The following CCDC191 variants were observed in gnomAD, a reference collection of about 807,000 sequenced individuals.
CCDC191 encodes the protein coiled-coil domain containing 191.
Under a neutral mutation model 114.0 loss-of-function variants are expected in CCDC191, and 99 were observed. The ratio of observed to expected loss-of-function variants is 0.87; its 90% confidence interval spans 0.74 to 1.03. The LOEUF is 1.03. Ranked by LOEUF, CCDC191 falls within the 50% of genes least tolerant of loss-of-function variation. The pLI, the probability that CCDC191 is intolerant of heterozygous loss-of-function variation, is 0.00. For synonymous variants in CCDC191, 351 were observed against 376.0 expected (o/e 0.93, Z 0.77); for missense variants, 973 against 1,087.0 (o/e 0.90, Z 1.47).
chr3:113,985,091 G>T (rs1445886407), intron 13 of CCDC191, among the ~76,000 whole-genome samples: 1 of 152,154 alleles, frequency 6.6e-6, no homozygotes, highest in Admixed American at 6.5e-5. Context: ...GCATGAGAAG[G>T]TTGAAGCTCC....
chr3:113,984,439 G>A (rs1055020044), intron 13 of CCDC191: 10 of 152,110 alleles, frequency 6.6e-5, no homozygotes, highest in Non-Finnish European at 1.5e-4. Flanking sequence ...ACACTACTAT[G>A]GCCTTGGAGG....
chr3:114,001,038 A>C (rs1013282411), intron 13 of CCDC191, among the ~76,000 whole-genome samples: 1 of 152,102 alleles, frequency 6.6e-6, no homozygotes, highest in Non-Finnish European at 1.5e-5. Context: ...TTTAGGCCTT[A>C]TCTTCCCAAG....
chr3:113,965,762 T>G (rs1940081778), intron 16 of CCDC191, among the ~76,000 whole-genome samples: 1 of 151,978 alleles, frequency 6.6e-6, no homozygotes, highest in Non-Finnish European at 1.5e-5. Flanking sequence ...GCTAATTTTT[T>G]TTTTGTATTT....
At chr3:114,035,175 G>A in intron 5 of CCDC191, 27 bp from the exon 6 acceptor site, 1 of 1,541,984 alleles carries the variant, frequency 6.5e-7, no homozygotes, top group South Asian at 1.1e-5. Flanking sequence ...TAAAGATGAA[G>A]TGTGGCCTTT....
intron 7 of CCDC191, among the ~76,000 whole-genome samples, chr3:114,025,629 G>A (rs1205014030): frequency 6.6e-6 from 1 of 152,100 alleles, no homozygotes; most frequent in Admixed American, 6.6e-5. Flanking sequence ...AAAATTCTCT[G>A]GGTTCTTTAC....
chr3:113,968,103 A>C (rs1466743451), intron 16 of CCDC191, among the ~76,000 whole-genome samples: 1 of 152,210 alleles, frequency 6.6e-6, no homozygotes, highest in Non-Finnish European at 1.5e-5. Flanking sequence ...ACGGACATGC[A>C]AATATCTCTT....
intron 13 of CCDC191, among the ~76,000 whole-genome samples, chr3:113,981,106 C>A (rs2075134808): frequency 6.6e-6 from 1 of 152,128 alleles, no homozygotes; most frequent in Non-Finnish European, 1.5e-5. Context: ...GGAGAGCAAT[C>A]AGGATTTTCC....
chr3:113,971,399 T>G (rs887755678), intron 16 of CCDC191, among the ~76,000 whole-genome samples: 2 of 152,236 alleles, frequency 1.3e-5, no homozygotes, highest in Admixed American at 6.5e-5. Context: ...GATGTTGAAT[T>G]TTATTGAATG....
At chr3:114,031,561 C>T (rs2076404499) in intron 7 of CCDC191, 65 bp downstream of exon 7, 3 of 1,338,630 alleles carry the variant, frequency 2.2e-6, no homozygotes, top group Admixed American at 1.8e-5. Flanking sequence ...TTTATCCCAT[C>T]TCTGATGGAG....
intron 7 of CCDC191, among the ~76,000 whole-genome samples, chr3:114,020,632 G>T (rs554540724): frequency 6.6e-6 from 1 of 152,132 alleles, no homozygotes; most frequent in African/African-American, 2.4e-5. Context: ...TGCATCATTT[G>T]TTTACCTGTT....
chr3:113,986,457 A>G (rs1310237513), intron 13 of CCDC191, among the ~76,000 whole-genome samples: 1 of 152,242 alleles, frequency 6.6e-6, no homozygotes, highest in Admixed American at 6.5e-5. Context: ...ACACAAAATC[A>G]TATATCCAAG....
At chr3:114,051,052 T>C (rs2076692762) in intron 2 of CCDC191, among the ~76,000 whole-genome samples, 1 of 152,174 alleles carries the variant, frequency 6.6e-6, no homozygotes, top group African/African-American at 2.4e-5. Flanking sequence ...TGGTTGTTCA[T>C]CTGTATTCCA....
intron 13 of CCDC191, among the ~76,000 whole-genome samples, chr3:113,987,355 A>G (rs2075397806): frequency 6.6e-6 from 1 of 152,206 alleles, no homozygotes; most frequent in Non-Finnish European, 1.5e-5. Flanking sequence ...TCAGAAACAG[A>G]AGAAATAAAG....
intron 7 of CCDC191, among the ~76,000 whole-genome samples, chr3:114,023,673 ATCGCT>A (rs1219902557): frequency 6.6e-6 from 1 of 152,268 alleles, no homozygotes; most frequent in Non-Finnish European, 1.5e-5. Context: ...CTGAAAATGG[ATCGCT>A]TCCTTACACC....
At chr3:114,006,067 TGTATTGCAGG>T in intron 9 of CCDC191, 105 bp from the exon 10 acceptor site, 2 of 1,015,120 alleles carry the variant, frequency 2.0e-6, no homozygotes, top group Non-Finnish European at 3.0e-6. Flanking sequence ...ACAACTGCCA[TGTATTGCAGG>T]TAAAGGTGGT....
chr3:114,031,791 A>C lies in CCDC191; in HGVS notation c.819-12T>G. 8.9e-7 allele frequency: 1 copy of C among 1,124,824 alleles called. No homozygotes were observed. Among genetic ancestry groups the C allele is most frequent in the Non-Finnish European group, 1.3e-6 (1 of 766,522 alleles). 69.7% of individuals were successfully genotyped at this position (1,124,824 alleles called of 1,614,324 possible). A position where few individuals can be genotyped will look rare whatever the true frequency, so the allele number is the denominator to read the frequency against. On this transcript the variant is annotated splice_polypyrimidine_tract_variant and intron_variant, in intron 6 of 16. Coordinates refer to ENST00000295878, the MANE Select transcript of CCDC191 (RefSeq NM_020817.2). ...GCCTTTTCTTCTCTCTATTAATAAC[A>C]ATTTAAAAATACATGTATATTTACA...
chr3:113,999,460 T>C (rs2075808592), intron 13 of CCDC191, among the ~76,000 whole-genome samples: 1 of 152,188 alleles, frequency 6.6e-6, no homozygotes, highest in Non-Finnish European at 1.5e-5. Flanking sequence ...AGAATACATT[T>C]GGAATACAGG....
intron 16 of CCDC191, among the ~76,000 whole-genome samples, chr3:113,975,409 A>AT (rs949994358): frequency 2.0e-5 from 3 of 152,164 alleles, no homozygotes; most frequent in East Asian, 1.9e-4. Flanking sequence ...CTGAATATCA[A>AT]TTTTTTAATG....
chr3:114,050,805 G>C (rs2076690085), intron 2 of CCDC191, among the ~76,000 whole-genome samples: 1 of 152,194 alleles, frequency 6.6e-6, no homozygotes, highest in South Asian at 2.1e-4. Flanking sequence ...CTGATGATTG[G>C]AGAGTAGGGA....
Sources: allele counts gnomAD v4.1 joint callset (sites outside exome capture counted in the v4.1 genomes callset), GRCh38; gene constraint gnomAD v4.1.1; transcripts MANE v1.5; gene names NCBI Gene and HGNC (gene_info 2026-07-23, HGNC 2026-07-21).